Variants in GRID2 observed in about 807,000 individuals in gnomAD.
GRID2 encodes glutamate receptor ionotropic, delta-2.
GRID2 carries 33 observed loss-of-function variants against 114.8 expected under a neutral mutation model. The observed-to-expected ratio is 0.29, with a 90% CI of 0.22 to 0.38. GRID2 has a LOEUF of 0.38. Among genes scored for constraint, GRID2 ranks in the 10% least tolerant of loss-of-function variants. The pLI, the probability that GRID2 is intolerant of heterozygous loss-of-function variation, is 1.00. For missense variants in GRID2, 1,184 were observed against 1,257.7 expected (o/e 0.94, Z 0.89); for synonymous variants, 505 against 449.9 (o/e 1.12, Z -1.55).
chr4:93,176,426 C>A (rs2149429401), intron 4 of GRID2, among the ~76,000 whole-genome samples: 1 of 152,154 alleles, frequency 6.6e-6, no homozygotes, highest in South Asian at 2.1e-4. Flanking sequence ...TAAAAGAAGT[C>A]TTATCAAATA....
intron 1 of GRID2, among the ~76,000 whole-genome samples, chr4:92,517,279 AT>A (rs558321129): frequency 2.0e-4 from 31 of 151,708 alleles, no homozygotes; most frequent in Non-Finnish European, 2.7e-4. Context: ...AGTTCCTCCC[AT>A]TTTTTTAGTC....
chr4:93,034,107 T>C (rs753992128), intron 2 of GRID2, among the ~76,000 whole-genome samples: 34 of 152,212 alleles, frequency 2.2e-4, no homozygotes, highest in Non-Finnish European at 4.6e-4. Context: ...GTTGATGTTA[T>C]ATGAGTGAGT....
At chr4:93,089,711 G>A (rs1245825964) in intron 3 of GRID2, among the ~76,000 whole-genome samples, 1 of 152,114 alleles carries the variant, frequency 6.6e-6, no homozygotes, top group East Asian at 1.9e-4. Flanking sequence ...AATGCTGTCA[G>A]AAATTGTAAA....
At chr4:92,343,430 A>G (rs1052034632) in intron 1 of GRID2, among the ~76,000 whole-genome samples, 3 of 152,178 alleles carry the variant, frequency 2.0e-5, no homozygotes, top group South Asian at 4.1e-4. Context: ...CCCCCTGTAC[A>G]GTCAAAAATA....
chr4:92,923,285 T>C (rs1049806747), intron 2 of GRID2, among the ~76,000 whole-genome samples: 4 of 152,164 alleles, frequency 2.6e-5, no homozygotes, highest in African/African-American at 4.8e-5. Context: ...AGAACTAACA[T>C]GTTTATGCTG....
intron 10 of GRID2, among the ~76,000 whole-genome samples, chr4:93,442,219 A>G (rs930165556): frequency 2.6e-5 from 4 of 152,028 alleles, no homozygotes; most frequent in African/African-American, 4.8e-5. Context: ...TAGTTCTTTT[A>G]TCCTTGATTT....
chr4:92,742,733 C>T (rs976872999), intron 2 of GRID2, among the ~76,000 whole-genome samples: 1 of 152,146 alleles, frequency 6.6e-6, no homozygotes, highest in East Asian at 1.9e-4. Flanking sequence ...ACTCAGCCAC[C>T]TGAGGAACTT....
chr4:93,616,241 G>C (rs1261503377), intron 13 of GRID2, among the ~76,000 whole-genome samples: 1 of 152,036 alleles, frequency 6.6e-6, no homozygotes. Flanking sequence ...AATTTTCTTA[G>C]ATAAGAAGTT....
chr4:92,580,345 A>T (rs1039100082), intron 1 of GRID2, among the ~76,000 whole-genome samples: 3 of 151,806 alleles, frequency 2.0e-5, no homozygotes, highest in African/African-American at 7.2e-5. Context: ...GAAGAAAAAA[A>T]TTACAAATGA....
chr4:93,283,867 A>G (rs1000849548), intron 8 of GRID2, among the ~76,000 whole-genome samples: 1 of 152,114 alleles, frequency 6.6e-6, no homozygotes, highest in African/African-American at 2.4e-5. Context: ...AGAATTCATT[A>G]ACATTCCAAA....
intron 8 of GRID2, among the ~76,000 whole-genome samples, chr4:93,289,639 A>T (rs1753531911): frequency 6.6e-6 from 1 of 152,196 alleles, no homozygotes; most frequent in Admixed American, 6.5e-5. Context: ...TTATATGCAA[A>T]TATACAATGA....
Position 92,319,397 on chromosome 4 carries a change from G to A in GRID2, c.88+14653G>A, listed in dbSNP as rs28379717. Among the ~76,000 whole-genome samples, 1,300 of 152,230 alleles carry A rather than the reference G, an allele frequency of 8.5e-3. 19 individuals carry two copies. The highest frequency in any genetic ancestry group is 0.03 in the African/African-American group (1,239 of 41,542). On this transcript the variant is annotated intron_variant, in intron 1 of 15. Coordinates refer to ENST00000282020, the MANE Select transcript of GRID2 (RefSeq NM_001510.4). ...GTGGCCCTTGATTGAATTTCCAATGGAATAGTTCATTTTAATCTGTACAAA... is the reference window on the plus strand; with the variant it reads ...GTGGCCCTTGATTGAATTTCCAATGAAATAGTTCATTTTAATCTGTACAAA...
chr4:93,742,504 G>A (rs1385925380), intron 14 of GRID2, among the ~76,000 whole-genome samples: 1 of 152,182 alleles, frequency 6.6e-6, no homozygotes, highest in African/African-American at 2.4e-5. Flanking sequence ...TTTACAAATT[G>A]AAGGTTTATG....
At chr4:93,552,864 A>G (rs1239615159) in intron 13 of GRID2, among the ~76,000 whole-genome samples, 4 of 127,756 alleles carry the variant, frequency 3.1e-5, no homozygotes, top group South Asian at 2.3e-4. Flanking sequence ...ACTCCCATTT[A>G]TGAGTGAGAA....
intron 8 of GRID2, among the ~76,000 whole-genome samples, chr4:93,264,331 T>C (rs1295149820): frequency 6.6e-6 from 1 of 152,112 alleles, no homozygotes; most frequent in Non-Finnish European, 1.5e-5. Context: ...CTTCTTTATT[T>C]TACTTAAATT....
intron 2 of GRID2, among the ~76,000 whole-genome samples, chr4:92,727,915 A>G (rs949109792): frequency 2.6e-5 from 4 of 152,050 alleles, no homozygotes; most frequent in African/African-American, 9.7e-5. Flanking sequence ...CTTCCAATAT[A>G]CGGCTTTGCA....
At chr4:93,694,787 C>G (rs1444026056) in intron 14 of GRID2, among the ~76,000 whole-genome samples, 2 of 152,180 alleles carry the variant, frequency 1.3e-5, no homozygotes, top group Non-Finnish European at 2.9e-5. Context: ...ACCTCAGGCA[C>G]TCACACACAC....
chr4:92,757,655 G>T (rs1737792024), intron 2 of GRID2, among the ~76,000 whole-genome samples: 2 of 152,006 alleles, frequency 1.3e-5, no homozygotes, highest in Non-Finnish European at 1.5e-5. Flanking sequence ...AGAATAAAGG[G>T]CCATAAATTC....
chr4:92,939,032 TGG>T lies in GRID2; in HGVS notation c.245-145961_245-145960del, dbSNP rs1560721855. ...TAGTGCCGCAATAAACATACATGTG[TGG>T]GTGTCTTTATAGCAGCATGATTTAT... is the stretch of plus-strand genomic sequence containing the variant. On this transcript the variant is annotated intron_variant, in intron 2 of 15. Transcript: ENST00000282020. Among the ~76,000 whole-genome samples the T allele has an allele frequency of 1.0e-4, 15 of 147,052 alleles. 1 individual carries two copies. Among genetic ancestry groups the T allele is most frequent in the Non-Finnish European group, 1.7e-4 (11 of 66,452 alleles).
Sources: allele counts gnomAD v4.1 joint callset (sites outside exome capture counted in the v4.1 genomes callset), GRCh38; gene constraint gnomAD v4.1.1; transcripts MANE v1.5; gene names NCBI Gene and HGNC (gene_info 2026-07-23, HGNC 2026-07-21).